SCAPER: variants seen among roughly 807,000 people sequenced by gnomAD.
The protein encoded by SCAPER is S-phase cyclin A associated protein in the ER.
Under a neutral mutation model 182.2 loss-of-function variants are expected in SCAPER, and 98 were observed. The ratio of observed to expected loss-of-function variants is 0.54; its 90% CI spans 0.46 to 0.64. The LOEUF (loss-of-function observed/expected upper bound fraction) is 0.64, where lower values mean the gene tolerates loss of function less well. SCAPER is among the 30% of genes least tolerant of loss of function. SCAPER has a pLI of 0.00. For missense variants in SCAPER, 1,432 were observed against 1,690.0 expected (o/e 0.85, Z 2.68); for synonymous variants, 605 against 564.6 (o/e 1.07, Z -1.01).
At chr15:76,488,212 AT>A (rs1252757708) in intron 24 of SCAPER, among the ~76,000 whole-genome samples, 1 of 152,048 alleles carries the variant, frequency 6.6e-6, no homozygotes, top group East Asian at 1.9e-4. Flanking sequence ...AGACTAAGGG[AT>A]TTTTTTCTTT....
chr15:76,700,388 T>C (rs140012077), intron 20 of SCAPER, among the ~76,000 whole-genome samples: 3 of 152,030 alleles, frequency 2.0e-5, no homozygotes, highest in Non-Finnish European at 4.4e-5. Context: ...TCCGTGGGGG[T>C]CATGGGGTCT....
chr15:76,726,155 A>ATATATATATAT (rs1491513286), intron 17 of SCAPER, among the ~76,000 whole-genome samples: 35 of 97,312 alleles, frequency 3.6e-4, no homozygotes, highest in Middle Eastern at 7.4e-3. Context: ...ATATATATAT[A>ATATATATATAT]AAAAACTCTA....
At chr15:76,472,216 C>T in intron 24 of SCAPER, 1 of 528,738 alleles carries the variant, frequency 1.9e-6, no homozygotes. Flanking sequence ...GAGCCCAACC[C>T]TAAAAAGTCC....
At chr15:76,464,299 C>G (rs530357088) in intron 25 of SCAPER, among the ~76,000 whole-genome samples, 5 of 152,128 alleles carry the variant, frequency 3.3e-5, no homozygotes, top group African/African-American at 1.2e-4. Context: ...TCACTTATAG[C>G]ATCATCAAGG....
intron 29 of SCAPER, among the ~76,000 whole-genome samples, chr15:76,375,154 G>GCTGTAT (rs2042459448): frequency 7.1e-6 from 1 of 140,710 alleles, no homozygotes; most frequent in African/African-American, 2.6e-5. Context: ...GGGGGTCAAG[G>GCTGTAT]CTGCAGTGAG....
At chr15:76,857,675 T>C (rs1228150607) in intron 4 of SCAPER, 134 bp downstream of exon 4, 3 of 619,592 alleles carry the variant, frequency 4.8e-6, no homozygotes, top group Non-Finnish European at 8.0e-6. Flanking sequence ...TACACATTTG[T>C]TTTTAAAAAG....
intron 26 of SCAPER, among the ~76,000 whole-genome samples, chr15:76,419,105 G>A (rs2045846822): frequency 6.6e-6 from 1 of 152,140 alleles, no homozygotes; most frequent in Admixed American, 6.5e-5. Flanking sequence ...GGCTATTGAG[G>A]CAATCACAGA....
intron 24 of SCAPER, chr15:76,498,427 G>T (rs2040810811): frequency 6.6e-6 from 1 of 152,224 alleles, no homozygotes; most frequent in Non-Finnish European, 1.5e-5. Flanking sequence ...GAGGGAAACA[G>T]AAGGCTTTGG....
chr15:76,649,667 T>A (rs913101319), intron 21 of SCAPER, among the ~76,000 whole-genome samples: 6 of 150,444 alleles, frequency 4.0e-5, no homozygotes, highest in African/African-American at 1.2e-4. Context: ...AAAAGGAATG[T>A]GTGTTCTCTG....
intron 8 of SCAPER, among the ~76,000 whole-genome samples, chr15:76,776,797 T>C (rs750282940): frequency 1.3e-5 from 2 of 152,130 alleles, no homozygotes; most frequent in Non-Finnish European, 2.9e-5. Flanking sequence ...GTTTGATACT[T>C]TTGCTGCAAA....
chr15:76,832,253 T>C (rs761374716), intron 5 of SCAPER, among the ~76,000 whole-genome samples: 3 of 152,146 alleles, frequency 2.0e-5, no homozygotes, highest in Non-Finnish European at 4.4e-5. Flanking sequence ...TATCTATGAG[T>C]TGAAATACAA....
intron 30 of SCAPER, 22 bp from the exon 31 acceptor site, chr15:76,351,310 T>G: frequency 6.3e-7 from 1 of 1,598,034 alleles, no homozygotes; most frequent in Non-Finnish European, 8.5e-7. Flanking sequence ...GAGAAAAGTG[T>G]TTTTCTATCA....
intron 8 of SCAPER, 99 bp downstream of exon 8, chr15:76,795,181 G>T: frequency 9.1e-7 from 1 of 1,093,616 alleles, no homozygotes. Flanking sequence ...TATTACGTAT[G>T]TTGTACAAAA....
At position 76,529,527 on chromosome 15, in the gene SCAPER, A is replaced by G. The variant is rs1036108645; in HGVS notation, c.2839-24553T>C. On this transcript the variant is annotated intron_variant, in intron 23 of 31. Transcript: ENST00000563290. The stretch of plus-strand genomic sequence containing the variant: ...ATAAGGACCACAAAGAAAAATAGAG[A>G]AGGGGGCCTCTGGGCTGTGGAGGTA... Among the ~76,000 whole-genome samples the G allele has an allele frequency of 1.3e-4, 20 of 152,302 alleles. 1 individual carries two copies. Among genetic ancestry groups the G allele is most frequent in the Admixed American group, 1.2e-3 (19 of 15,296 alleles).
chr15:76,637,747 TG>T (rs2053749381), intron 21 of SCAPER, among the ~76,000 whole-genome samples: 1 of 3,406 alleles, frequency 2.9e-4, no homozygotes, highest in Non-Finnish European at 9.8e-4. Context: ...TATATATGTG[TG>T]TGTGTGTGTG....
intron 8 of SCAPER, among the ~76,000 whole-genome samples, chr15:76,789,177 T>C (rs1180736224): frequency 6.6e-6 from 1 of 152,208 alleles, no homozygotes; most frequent in East Asian, 1.9e-4. Flanking sequence ...CTGTTTAATG[T>C]TATTAAAATT....
At chr15:76,496,388 T>C (rs559463675) in intron 24 of SCAPER, among the ~76,000 whole-genome samples, 18 of 152,322 alleles carry the variant, frequency 1.2e-4, no homozygotes, top group African/African-American at 4.3e-4. Context: ...AGATAACCAG[T>C]CTGGGACACT....
chr15:76,582,903 T>G (rs2048364764), intron 22 of SCAPER, among the ~76,000 whole-genome samples: 1 of 152,206 alleles, frequency 6.6e-6, no homozygotes, highest in African/African-American at 2.4e-5. Context: ...GAACTGGATA[T>G]CCATACTCAA....
At chr15:76,358,695 A>G (rs1482815294) in intron 29 of SCAPER, among the ~76,000 whole-genome samples, 1 of 152,230 alleles carries the variant, frequency 6.6e-6, no homozygotes, top group Non-Finnish European at 1.5e-5. Flanking sequence ...CTGTCTCGAA[A>G]TACAACTACA....
Sources: allele counts gnomAD v4.1 joint callset (sites outside exome capture counted in the v4.1 genomes callset), GRCh38; gene constraint gnomAD v4.1.1; transcripts MANE v1.5; gene names NCBI Gene and HGNC (gene_info 2026-07-23, HGNC 2026-07-21).